The following XXYLT1 variants were observed in gnomAD, a reference collection of about 807,000 sequenced individuals.
XXYLT1 encodes the protein UDP-xylose:alpha-xyloside alpha-1,3-xylosyltransferase.
A neutral mutation model predicts 28.9 loss-of-function variants in XXYLT1; 20 were observed. That is an observed-to-expected ratio of 0.69 (90% CI 0.49 to 1.00). The LOEUF (loss-of-function observed/expected upper bound fraction) is 1.00. XXYLT1 is among the 50% of genes least tolerant of loss of function. XXYLT1 has a pLI of 0.00. For missense variants in XXYLT1, 542 were observed against 560.1 expected (o/e 0.97, Z 0.33); for synonymous variants, 257 against 253.8 (o/e 1.01, Z -0.12).
chr3:195,121,473 T>C (rs9848862), intron 3 of XXYLT1, among the ~76,000 whole-genome samples: 59,371 of 152,026 alleles, frequency 0.39, 13,464 homozygotes, highest in East Asian at 0.82. Context: ...TTCCTCTAGA[T>C]ATTTTGCTCC....
intron 2 of XXYLT1, among the ~76,000 whole-genome samples, chr3:195,184,083 C>A (rs1722070890): frequency 6.6e-6 from 1 of 152,158 alleles, no homozygotes; most frequent in Non-Finnish European, 1.5e-5. Flanking sequence ...CAACACTGTC[C>A]AGCACACTTA....
At chr3:195,127,772 A>ATGTGTGTGTGTGTGTGTGTG (rs3073344) in intron 3 of XXYLT1, among the ~76,000 whole-genome samples, 1 of 151,434 alleles carries the variant, frequency 6.6e-6, no homozygotes, top group East Asian at 2.0e-4. Context: ...GTGAGACAAA[A>ATGTGTGTGTGTGTGTGTGTG]TGTGTGTGTG....
In XXYLT1 at chr3:195,114,875, G is replaced by A. The variant is rs540160341; in HGVS notation, c.785+41574C>T. 2.0e-4 allele frequency among the ~76,000 whole-genome samples: 31 copies of A among 152,376 alleles called. No homozygotes were observed. In the South Asian group the frequency reaches 3.9e-3, roughly 19 times the overall value. The stretch of plus-strand genomic sequence containing the variant: ...GCCGCTCAGTGGTCTCCCTGCCGGT[G>A]CAAGGAGGCTGCCACCTGCAGAAGG... On this transcript the variant is annotated intron_variant, in intron 3 of 3. Coordinates refer to ENST00000310380, the MANE Select transcript of XXYLT1 (RefSeq NM_152531.5).
At chr3:195,086,189 C>G (rs1317220701) in intron 3 of XXYLT1, among the ~76,000 whole-genome samples, 1 of 152,208 alleles carries the variant, frequency 6.6e-6, no homozygotes, top group Admixed American at 6.5e-5. Context: ...CTCTACAGCA[C>G]TGTCCTTGCT....
chr3:195,244,842 C>A (rs1201515225), intron 1 of XXYLT1, among the ~76,000 whole-genome samples: 2 of 133,672 alleles, frequency 1.5e-5, no homozygotes, highest in Non-Finnish European at 3.2e-5. Flanking sequence ...CAACATGAGA[C>A]TCTGTCTCAA....
intron 3 of XXYLT1, among the ~76,000 whole-genome samples, chr3:195,079,371 G>A (rs761841262): frequency 1.2e-4 from 19 of 152,154 alleles, no homozygotes; most frequent in Non-Finnish European, 2.5e-4. Flanking sequence ...TATTCTGTAC[G>A]CCAAGGGAAA....
chr3:195,242,104 C>A (rs766424415), intron 1 of XXYLT1, among the ~76,000 whole-genome samples: 2 of 152,082 alleles, frequency 1.3e-5, no homozygotes, highest in Non-Finnish European at 2.9e-5. Flanking sequence ...CAGGTAGGAA[C>A]GAGCAAATAA....
At chr3:195,236,808 G>A (rs1724567641) in intron 1 of XXYLT1, among the ~76,000 whole-genome samples, 1 of 151,882 alleles carries the variant, frequency 6.6e-6, no homozygotes, top group Non-Finnish European at 1.5e-5. Context: ...TTCGTCAGCA[G>A]GTGATGATTC....
chr3:195,121,074 A>T (rs537734457), intron 3 of XXYLT1, among the ~76,000 whole-genome samples: 29 of 151,948 alleles, frequency 1.9e-4, no homozygotes, highest in African/African-American at 7.0e-4. Flanking sequence ...CTCCGTGAGC[A>T]CCCCCATGCT....
At chr3:195,143,833 T>TAG (rs1223063547) in intron 3 of XXYLT1, among the ~76,000 whole-genome samples, 1 of 90,934 alleles carries the variant, frequency 1.1e-5, no homozygotes, top group South Asian at 4.3e-4. Context: ...TATATATAGA[T>TAG]ATAGATATAG....
chr3:195,233,012 T>G (rs1724365600), intron 1 of XXYLT1, among the ~76,000 whole-genome samples: 1 of 152,230 alleles, frequency 6.6e-6, no homozygotes, highest in South Asian at 2.1e-4. Flanking sequence ...TTGGGGTCTA[T>G]CTCCATCTTT....
chr3:195,134,339 C>T (rs776580339), intron 3 of XXYLT1, among the ~76,000 whole-genome samples: 5 of 152,234 alleles, frequency 3.3e-5, no homozygotes, highest in Non-Finnish European at 5.9e-5. Flanking sequence ...GAGCAACTTC[C>T]AGTCCTACAA....
chr3:195,246,221 G>C (rs1353515357), intron 1 of XXYLT1, among the ~76,000 whole-genome samples: 1 of 152,172 alleles, frequency 6.6e-6, no homozygotes, highest in Non-Finnish European at 1.5e-5. Flanking sequence ...TCCTAACAGA[G>C]CAACAATCAA....
rs1265440615 is a variant in XXYLT1, at chr3:195,089,964, CAAG to C, written c.786-19856_786-19854del. ...CATAATGGTAAAGGGATCAATTCAA[CAAG>C]AAGAGCTAACTATCCTAAATATATA... On this transcript the variant is annotated intron_variant, in intron 3 of 3. Transcript: ENST00000310380. Among the ~76,000 whole-genome samples, 7 of 151,658 alleles carry C rather than the reference CAAG, an allele frequency of 4.6e-5. No individual in the cohort carries two copies. In the East Asian group the frequency reaches 1.4e-3, roughly 29 times the overall value.
chr3:195,072,198 G>T (rs918093595), intron 3 of XXYLT1, among the ~76,000 whole-genome samples: 1 of 152,026 alleles, frequency 6.6e-6, no homozygotes, highest in Non-Finnish European at 1.5e-5. Flanking sequence ...ACACCGGGTG[G>T]AAGCAGGGGG....
At chr3:195,239,587 T>C (rs941925472) in intron 1 of XXYLT1, among the ~76,000 whole-genome samples, 4 of 152,248 alleles carry the variant, frequency 2.6e-5, no homozygotes, top group Non-Finnish European at 5.9e-5. Flanking sequence ...AAAAGTCTGA[T>C]CACGATTTGT....
At chr3:195,084,439 C>T (rs1715611736) in intron 3 of XXYLT1, among the ~76,000 whole-genome samples, 1 of 152,176 alleles carries the variant, frequency 6.6e-6, no homozygotes, top group African/African-American at 2.4e-5. Context: ...GCATGGAAGC[C>T]ACCTGGGCAA....
In XXYLT1 at chr3:195,181,356, C is replaced by T. The variant is rs556869703; in HGVS notation, c.653-24775G>A. ...GCCTTTATGTCTTTTTCTATGAGGT[C>T]TACACTTTCATCTTCTACACATTTA... On this transcript the variant is annotated intron_variant, in intron 2 of 3. Coordinates refer to ENST00000310380, the MANE Select transcript of XXYLT1 (RefSeq NM_152531.5). Among the ~76,000 whole-genome samples, 3 of 152,334 alleles carry T rather than the reference C, an allele frequency of 2.0e-5. No homozygotes were observed. The East Asian group carries it at 5.8e-4, about 29-fold the overall frequency.
intron 2 of XXYLT1, among the ~76,000 whole-genome samples, chr3:195,207,721 T>C (rs535661848): frequency 2.6e-4 from 39 of 152,310 alleles, no homozygotes; most frequent in African/African-American, 8.9e-4. Context: ...AGCTGTAAGA[T>C]AAATATGTTA....
Sources: gnomAD v4.1 joint callset for allele counts (sites outside exome capture counted in the v4.1 genomes callset) on GRCh38, gnomAD v4.1.1 for gene constraint, MANE v1.5 for transcripts, NCBI Gene and HGNC (gene_info 2026-07-23, HGNC 2026-07-21) for gene names.